WDPCP: variants seen among roughly 807,000 people sequenced by gnomAD.
WDPCP encodes the protein WD repeat containing planar cell polarity effector.
In WDPCP, 71 loss-of-function variants were observed where a neutral mutation model predicts 93.1. That is an observed-to-expected ratio of 0.76 (90% CI 0.63 to 0.93). The LOEUF (loss-of-function observed/expected upper bound fraction) is 0.93, where lower values mean the gene tolerates loss of function less well. Ranked by LOEUF, WDPCP falls within the 40% of genes least tolerant of loss-of-function variation. The pLI, the probability that WDPCP is intolerant of heterozygous loss-of-function variation, is 0.00. For synonymous variants in WDPCP, 315 were observed against 315.0 expected, an observed-to-expected ratio of 1.00 and a Z score of 0.00; for missense variants, 844 against 887.4, an observed-to-expected ratio of 0.95 and a Z score of 0.62.
intron 3 of WDPCP, among the ~76,000 whole-genome samples, chr2:63,608,693 C>T (rs1709581547): frequency 6.6e-6 from 1 of 151,934 alleles, no homozygotes; most frequent in African/African-American, 2.4e-5. Context: ...TCCTGTAATC[C>T]CAGCTACTCC....
Position 63,313,333 on chromosome 2 carries a change from T to C in WDPCP, c.1749-22A>G, listed in dbSNP as rs1254980763. On this transcript the variant is annotated intron_variant, in intron 12 of 17. Transcript: ENST00000272321. ...GTACCTACAAGGCAGAAAAAAATAT[T>C]ATGTTAGTTGTGAACAAGAATATAT... 5 of 1,606,836 alleles carry C rather than the reference T, an allele frequency of 3.1e-6. No homozygotes were observed. The African/African-American group carries it at 6.7e-5, about 22-fold the overall frequency.
chr2:63,592,415 G>A (rs1007444609), upstream of WDPCP, among the ~76,000 whole-genome samples: 4 of 152,206 alleles, frequency 2.6e-5, no homozygotes, highest in Non-Finnish European at 5.9e-5. Context: ...CACTCACACA[G>A]TAATGGCTCA....
intron 12 of WDPCP, among the ~76,000 whole-genome samples, chr2:63,336,119 C>T (rs1028040188): frequency 2.6e-5 from 4 of 152,228 alleles, no homozygotes; most frequent in African/African-American, 9.6e-5. Flanking sequence ...ATAGAGTAGC[C>T]ATTCTTTTAT....
chr2:63,437,333 G>T, intron 8 of WDPCP, 88 bp downstream of exon 8: 2 of 1,082,218 alleles, frequency 1.8e-6, no homozygotes, highest in Non-Finnish European at 2.6e-6. Context: ...CAGAAATGTT[G>T]AAGAATAATG....
At chr2:63,184,674 T>G (rs1674491656) in intron 14 of WDPCP, among the ~76,000 whole-genome samples, 1 of 152,206 alleles carries the variant, frequency 6.6e-6, no homozygotes, top group South Asian at 2.1e-4. Context: ...TTTTAGACAA[T>G]TTAATGACTA....
intron 2 of WDPCP, among the ~76,000 whole-genome samples, chr2:63,698,017 G>A (rs568840238): frequency 7.0e-4 from 106 of 151,884 alleles, no homozygotes; most frequent in African/African-American, 2.4e-3. Context: ...GTGCAGTGGC[G>A]TGATCTCGGC....
intron 12 of WDPCP, among the ~76,000 whole-genome samples, chr2:63,326,131 C>T (rs577532321): frequency 2.7e-4 from 41 of 152,308 alleles, no homozygotes; most frequent in South Asian, 1.0e-3. Flanking sequence ...TTATGGCTAT[C>T]GGACAACCGC....
chr2:63,703,715 G>C (rs978157075), intron 2 of WDPCP, among the ~76,000 whole-genome samples: 2 of 152,248 alleles, frequency 1.3e-5, no homozygotes, highest in East Asian at 3.9e-4. Context: ...TTGTAGTATA[G>C]TTTGAAGTCA....
At chr2:63,158,651 C>T (rs903792083) in intron 15 of WDPCP, among the ~76,000 whole-genome samples, 10 of 152,116 alleles carry the variant, frequency 6.6e-5, no homozygotes, top group African/African-American at 2.4e-4. Flanking sequence ...TCTTTATCCT[C>T]TCCTTCTACA....
chr2:63,172,204 A>C (rs1449458759), intron 15 of WDPCP, among the ~76,000 whole-genome samples: 1 of 152,180 alleles, frequency 6.6e-6, no homozygotes, highest in African/African-American at 2.4e-5. Flanking sequence ...ATATCTCAGT[A>C]AAATTGTTTC....
At chr2:63,418,955 CCA>C (rs1381413028) in intron 9 of WDPCP, among the ~76,000 whole-genome samples, 1 of 152,110 alleles carries the variant, frequency 6.6e-6, no homozygotes, top group Non-Finnish European at 1.5e-5. Flanking sequence ...TGGCCAGCGT[CCA>C]GTGTTTTGTT....
chr2:63,129,402 A>G (rs1234464613), intron 17 of WDPCP, among the ~76,000 whole-genome samples: 1 of 152,238 alleles, frequency 6.6e-6, no homozygotes, highest in Non-Finnish European at 1.5e-5. Flanking sequence ...CTGGCAATGT[A>G]CAATTGTTCT....
At chr2:63,400,837 C>T (rs1391047353) in intron 10 of WDPCP, among the ~76,000 whole-genome samples, 2 of 151,552 alleles carry the variant, frequency 1.3e-5, no homozygotes, top group Non-Finnish European at 2.9e-5. Context: ...AGAAATAACA[C>T]CACACATCTA....
chr2:63,340,068 C>T (rs573329471), intron 12 of WDPCP, among the ~76,000 whole-genome samples: 26 of 152,256 alleles, frequency 1.7e-4, no homozygotes, highest in African/African-American at 5.5e-4. Flanking sequence ...GTGTTTCTTA[C>T]GGGTATACAT....
chr2:63,741,540 T>A (rs2103855616), intron 2 of WDPCP, among the ~76,000 whole-genome samples: 1 of 152,294 alleles, frequency 6.6e-6, no homozygotes, highest in Admixed American at 6.5e-5. Context: ...CTGGCTTTGA[T>A]AAATTGCATC....
At chr2:63,589,099 G>A (rs1709089106), upstream of WDPCP, 1 of 1,613,986 alleles carries the variant, frequency 6.2e-7, no homozygotes, top group African/African-American at 1.3e-5. Context: ...GCCCTTGAGT[G>A]GGGTTTCTTG....
intron 6 of WDPCP, among the ~76,000 whole-genome samples, chr2:63,458,880 A>C (rs1049273499): frequency 6.6e-6 from 1 of 152,190 alleles, no homozygotes; most frequent in African/African-American, 2.4e-5. Flanking sequence ...GTAACAACAG[A>C]CACATAGATC....
chr2:63,589,840 T>C (rs1158702959), upstream of WDPCP: 5 of 188,208 alleles, frequency 2.7e-5, no homozygotes, highest in African/African-American at 1.2e-4. Context: ...TGCGTACTGC[T>C]TGAAGGTGAC....
chr2:63,561,022 A>G (rs114402739), intron 1 of WDPCP, among the ~76,000 whole-genome samples: 4,435 of 152,304 alleles, frequency 0.029, 94 homozygotes, highest in South Asian at 0.07. Flanking sequence ...CATATGCAGA[A>G]AAACTAAAAC....
Sources: allele counts gnomAD v4.1 joint callset (sites outside exome capture counted in the v4.1 genomes callset), GRCh38; gene constraint gnomAD v4.1.1; transcripts MANE v1.5; gene names NCBI Gene and HGNC (gene_info 2026-07-23, HGNC 2026-07-21).